SHISA9: variants seen among roughly 807,000 people sequenced by gnomAD.
SHISA9 encodes the protein shisa family member 9.
A neutral mutation model predicts 38.0 loss-of-function variants in SHISA9; 13 were observed. The observed-to-expected ratio is 0.34, with a 90% confidence interval of 0.22 to 0.54. The LOEUF (loss-of-function observed/expected upper bound fraction) is 0.54. Among genes scored for constraint, SHISA9 ranks in the 20% least tolerant of loss-of-function variants. The pLI is 0.91. For missense variants in SHISA9, 538 were observed against 575.8 expected (o/e 0.93, Z 0.67); for synonymous variants, 275 against 242.0 (o/e 1.14, Z -1.27).
At chr16:12,990,078 G>A (rs1280034403) in intron 2 of SHISA9, among the ~76,000 whole-genome samples, 3 of 152,050 alleles carry the variant, frequency 2.0e-5, no homozygotes, top group African/African-American at 7.2e-5. Context: ...ATGGCTTCTG[G>A]CTCTATCCAT....
intron 1 of SHISA9, chr16:12,909,574 AT>A: frequency 8.1e-6 from 8 of 985,390 alleles, no homozygotes; most frequent in Non-Finnish European, 9.6e-6. Context: ...AGCTAAGCTC[AT>A]TCCCATCTTG....
At chr16:13,008,966 G>C (rs1012275723) in intron 2 of SHISA9, among the ~76,000 whole-genome samples, 4 of 151,998 alleles carry the variant, frequency 2.6e-5, no homozygotes, top group African/African-American at 7.2e-5. Flanking sequence ...TTACAAACAA[G>C]AATCCACAGT....
intron 2 of SHISA9, among the ~76,000 whole-genome samples, chr16:12,973,615 CT>C (rs995436399): frequency 2.0e-5 from 3 of 151,912 alleles, no homozygotes; most frequent in African/African-American, 7.3e-5. Flanking sequence ...GTGATAGTTG[CT>C]TTTTTTTAGT....
At position 13,114,737 on chromosome 16, in the gene SHISA9, C is replaced by A. The variant is rs141907345; in HGVS notation, c.692-88657C>A. ...TTTTCTTATGCTTAATTCCTAGTCT[C>A]TTAACTTTTACATATAGATTTATGT... On this transcript the variant is annotated intron_variant, in intron 2 of 4. Coordinates refer to ENST00000558583, the MANE Select transcript of SHISA9 (RefSeq NM_001145204.3). Among the ~76,000 whole-genome samples the A allele has an allele frequency of 1.9e-3, 293 of 152,178 alleles. 1 individual carries two copies. Among genetic ancestry groups the A allele is most frequent in the Non-Finnish European group, 3.3e-3 (226 of 68,010 alleles).
chr16:13,120,505 G>T (rs1331408227), intron 2 of SHISA9, among the ~76,000 whole-genome samples: 1 of 152,190 alleles, frequency 6.6e-6, no homozygotes, highest in East Asian at 1.9e-4. Flanking sequence ...GGGACTGAGA[G>T]AACATATTTT....
chr16:13,387,024 C>T, the SHISA9 span, among the ~76,000 whole-genome samples: 18 of 152,240 alleles, frequency 1.2e-4, no homozygotes, highest in South Asian at 2.1e-4. Flanking sequence ...TATCTATAAA[C>T]GATTCTGTGC....
At chr16:13,262,650 A>AAGGAAGGAAGGGAGGG in the SHISA9 span, among the ~76,000 whole-genome samples, 31 of 54,050 alleles carry the variant, frequency 5.7e-4, no homozygotes, top group South Asian at 3.3e-3. Context: ...GGAAGGAAGG[A>AAGGAAGGAAGGGAGGG]AGGAAGGAAG....
intron 2 of SHISA9, among the ~76,000 whole-genome samples, chr16:12,928,136 G>A (rs1361824283): frequency 2.6e-5 from 4 of 151,580 alleles, no homozygotes; most frequent in Non-Finnish European, 5.9e-5. Flanking sequence ...TTAGCCTCAT[G>A]AAAAACTAAT....
chr16:13,510,378 T>C, the SHISA9 span, among the ~76,000 whole-genome samples: 1 of 152,190 alleles, frequency 6.6e-6, no homozygotes, highest in Non-Finnish European at 1.5e-5. Context: ...ACAAAACTTA[T>C]TAGTGGCTGA....
At chr16:13,215,854 G>T (rs1377540572) in intron 4 of SHISA9, among the ~76,000 whole-genome samples, 1 of 152,096 alleles carries the variant, frequency 6.6e-6, no homozygotes, top group Non-Finnish European at 1.5e-5. Flanking sequence ...TAGGGAGTTT[G>T]TGTGCCCCCA....
intron 2 of SHISA9, among the ~76,000 whole-genome samples, chr16:13,022,944 A>T (rs1033304059): frequency 6.6e-6 from 1 of 152,188 alleles, no homozygotes; most frequent in Admixed American, 6.5e-5. Context: ...CCACCCCATA[A>T]TCCAGGATGA....
At chr16:13,437,314 C>A in the SHISA9 span, among the ~76,000 whole-genome samples, 1 of 152,144 alleles carries the variant, frequency 6.6e-6, no homozygotes, top group Non-Finnish European at 1.5e-5. Flanking sequence ...CCACTCTACC[C>A]TGGGGAGAAA....
chr16:13,485,348 G>A, the SHISA9 span, among the ~76,000 whole-genome samples: 54 of 152,180 alleles, frequency 3.5e-4, no homozygotes, highest in Middle Eastern at 3.4e-3. Context: ...AGCTTCATCC[G>A]TGTCCCTGCA....
intron 4 of SHISA9, among the ~76,000 whole-genome samples, chr16:13,226,253 G>A (rs2051278232): frequency 6.6e-6 from 1 of 152,172 alleles, no homozygotes. Flanking sequence ...TAATGGAAAT[G>A]ATTCATCCAT....
At chr16:13,022,687 G>C (rs922641101) in intron 2 of SHISA9, among the ~76,000 whole-genome samples, 3 of 152,080 alleles carry the variant, frequency 2.0e-5, no homozygotes, top group Non-Finnish European at 4.4e-5. Flanking sequence ...GGTTGGTCTT[G>C]AACTCCTGGG....
the SHISA9 span, among the ~76,000 whole-genome samples, chr16:13,274,429 A>G: frequency 2.6e-5 from 4 of 152,116 alleles, no homozygotes; most frequent in Non-Finnish European, 4.4e-5. Flanking sequence ...CTTGAAAAAA[A>G]TTTTCTTTCC....
At chr16:13,039,562 A>G (rs2073111312) in intron 2 of SHISA9, among the ~76,000 whole-genome samples, 1 of 151,768 alleles carries the variant, frequency 6.6e-6, no homozygotes, top group Non-Finnish European at 1.5e-5. Context: ...GAGCCCAGAG[A>G]AACACAGAGT....
At chr16:13,144,334 G>A (rs1472644024) in intron 2 of SHISA9, among the ~76,000 whole-genome samples, 1 of 152,054 alleles carries the variant, frequency 6.6e-6, no homozygotes, top group East Asian at 1.9e-4. Flanking sequence ...TGTATTTTTA[G>A]TAGAGACAGG....
chr16:13,425,447 C>G, the SHISA9 span, among the ~76,000 whole-genome samples: 4 of 151,284 alleles, frequency 2.6e-5, no homozygotes, highest in African/African-American at 9.7e-5. Flanking sequence ...AGATTGCACA[C>G]CTGCACTCCA....
Sources: allele counts gnomAD v4.1 joint callset (sites outside exome capture counted in the v4.1 genomes callset), GRCh38; gene constraint gnomAD v4.1.1; transcripts MANE v1.5; gene names NCBI Gene and HGNC (gene_info 2026-07-23, HGNC 2026-07-21).